FMN2: variants seen among roughly 807,000 people sequenced by gnomAD.
FMN2 encodes the protein formin-2.
In FMN2, 51 loss-of-function variants were observed where a neutral mutation model predicts 142.3. The observed-to-expected ratio is 0.36, with a 90% CI of 0.29 to 0.45. The LOEUF (loss-of-function observed/expected upper bound fraction) is 0.45. Ranked by LOEUF, FMN2 falls within the 20% of genes least tolerant of loss-of-function variation. The pLI is 1.00. For missense variants in FMN2, 1,936 were observed against 2,122.8 expected, an observed-to-expected ratio of 0.91 and a Z score of 1.73; for synonymous variants, 882 against 869.8, an observed-to-expected ratio of 1.01 and a Z score of -0.25.
intron 14 of FMN2, among the ~76,000 whole-genome samples, chr1:240,382,119 C>A (rs1456625980): frequency 6.6e-6 from 1 of 152,130 alleles, no homozygotes; most frequent in Non-Finnish European, 1.5e-5. Flanking sequence ...TAAATGACTT[C>A]AGCAAAGTTT....
At chr1:240,465,374 G>C (rs1170005663) in intron 16 of FMN2, among the ~76,000 whole-genome samples, 7 of 108,472 alleles carry the variant, frequency 6.5e-5, no homozygotes, top group South Asian at 5.7e-4. Flanking sequence ...GTGTGTGTGT[G>C]TGTGTGTGTG....
At chr1:240,269,168 G>T (rs1356681461) in intron 7 of FMN2, among the ~76,000 whole-genome samples, 2 of 151,870 alleles carry the variant, frequency 1.3e-5, no homozygotes, top group Admixed American at 6.6e-5. Context: ...TGTTTTCTTC[G>T]AGTAGTTTTA....
chr1:240,339,244 A>G (rs2103026639), intron 13 of FMN2, among the ~76,000 whole-genome samples: 1 of 152,288 alleles, frequency 6.6e-6, no homozygotes, highest in East Asian at 1.9e-4. Flanking sequence ...ACAGATCACA[A>G]AAAGGGTGAG....
At chr1:240,226,780 C>T (rs184392067) in intron 6 of FMN2, among the ~76,000 whole-genome samples, 14 of 151,488 alleles carry the variant, frequency 9.2e-5, no homozygotes, top group South Asian at 2.1e-4. Context: ...CTGTAGAATC[C>T]GCAGTTACCA....
chr1:240,119,861 G>A (rs1231999896), intron 1 of FMN2, among the ~76,000 whole-genome samples: 17 of 152,122 alleles, frequency 1.1e-4, no homozygotes, highest in Admixed American at 3.3e-4. Flanking sequence ...TTATCTGAGC[G>A]GTAGGAAAGA....
At position 240,262,759 on chromosome 1, in the gene FMN2, C is replaced by CTT. The variant is rs764626617; in HGVS notation, c.4153+4746_4153+4747dup. Among the ~76,000 whole-genome samples, 261 of 117,760 alleles carry CTT rather than the reference C, an allele frequency of 2.2e-3. 1 individual carries two copies. Among genetic ancestry groups the CTT allele is most frequent in the Middle Eastern group, 5.1e-3 (1 of 196 alleles). The allele number at this position is 117,760 out of a possible 152,430, so 77.3% of individuals were successfully genotyped here. A position where few individuals can be genotyped will look rare whatever the true frequency, so the allele number is the denominator to read the frequency against. On this transcript the variant is annotated intron_variant, in intron 7 of 17. Coordinates refer to ENST00000319653, the MANE Select transcript of FMN2 (RefSeq NM_020066.5). ...AACAAATGTAAAGTGAAAACTTTTA[C>CTT]TTTTTTTTTTTTTTTTTTTTGAGAC...
At chr1:240,260,147 G>A (rs114780646) in intron 7 of FMN2, among the ~76,000 whole-genome samples, 262 of 152,126 alleles carry the variant, frequency 1.7e-3, no homozygotes, top group Admixed American at 3.0e-3. Context: ...TTATCTACTC[G>A]TTGATTGATG....
intron 15 of FMN2, among the ~76,000 whole-genome samples, chr1:240,429,851 G>C (rs1048457399): frequency 6.6e-6 from 1 of 151,650 alleles, no homozygotes; most frequent in Admixed American, 6.6e-5. Flanking sequence ...TATTAGCAGG[G>C]CTGCTGTGAA....
chr1:240,182,822 G>A (rs934104181), intron 3 of FMN2, among the ~76,000 whole-genome samples: 4 of 152,094 alleles, frequency 2.6e-5, no homozygotes, highest in African/African-American at 9.7e-5. Context: ...GTCACTCACA[G>A]AAGCACAACT....
At chr1:240,198,407 G>A (rs1035907629) in intron 4 of FMN2, among the ~76,000 whole-genome samples, 3 of 152,188 alleles carry the variant, frequency 2.0e-5, no homozygotes, top group South Asian at 2.1e-4. Flanking sequence ...GATTTCTAAC[G>A]TACGCCTCTT....
In FMN2 at chr1:240,240,433, A is replaced by G. The variant is rs187612924; in HGVS notation, c.4066-17512A>G. On this transcript the variant is annotated intron_variant, in intron 6 of 17. Coordinates refer to ENST00000319653, the MANE Select transcript of FMN2 (RefSeq NM_020066.5). ...CTACAACATAATAATAAATATGCAC[A>G]TGGTCTCAATAAGAGTCTTTTATTC... is the stretch of plus-strand genomic sequence containing the variant. 1.7e-3 allele frequency among the ~76,000 whole-genome samples: 258 copies of G among 152,338 alleles called. 2 individuals are homozygous for G. Among genetic ancestry groups the G allele is most frequent in the Admixed American group, 0.013 (206 of 15,296 alleles).
chr1:240,097,577 G>C (rs1044522862), intron 1 of FMN2, among the ~76,000 whole-genome samples: 2 of 152,046 alleles, frequency 1.3e-5, no homozygotes, highest in African/African-American at 2.4e-5. Flanking sequence ...GGATGGTCTT[G>C]ATCTCCTGAC....
At chr1:240,262,610 T>C (rs1368599356) in intron 7 of FMN2, among the ~76,000 whole-genome samples, 2 of 152,136 alleles carry the variant, frequency 1.3e-5, no homozygotes, top group African/African-American at 4.8e-5. Context: ...TAACAGTAGC[T>C]GCAAAAGAAT....
At chr1:240,156,303 T>C (rs1571997308) in intron 2 of FMN2, among the ~76,000 whole-genome samples, 1 of 152,102 alleles carries the variant, frequency 6.6e-6, no homozygotes, top group East Asian at 1.9e-4. Context: ...CAGAGGGAAA[T>C]GTTCAGCTGG....
intron 15 of FMN2, among the ~76,000 whole-genome samples, chr1:240,425,224 A>AGAGAGAGG (rs1674897044): frequency 6.6e-6 from 1 of 151,902 alleles, no homozygotes; most frequent in Non-Finnish European, 1.5e-5. Flanking sequence ...AGAGAGAGAG[A>AGAGAGAGG]GAGAGAGAGA....
intron 8 of FMN2, among the ~76,000 whole-genome samples, chr1:240,313,434 T>C (rs1670660628): frequency 6.6e-6 from 1 of 152,226 alleles, no homozygotes; most frequent in South Asian, 2.1e-4. Flanking sequence ...TGAATGCTTA[T>C]GTGTGATTGA....
At chr1:240,313,994 G>A (rs6701177) in intron 8 of FMN2, among the ~76,000 whole-genome samples, 90,792 of 151,930 alleles carry the variant, frequency 0.6, 29,526 homozygotes, top group African/African-American at 0.87. Context: ...AATAGTGTAT[G>A]TTAACATCCT....
chr1:240,291,904 A>G (rs1240505567), intron 7 of FMN2, among the ~76,000 whole-genome samples: 26 of 152,324 alleles, frequency 1.7e-4, no homozygotes, highest in South Asian at 2.1e-4. Context: ...TTAACCAACT[A>G]CATGTCAGAC....
chr1:240,391,066 A>C (rs2103096171), intron 14 of FMN2, among the ~76,000 whole-genome samples: 1 of 152,262 alleles, frequency 6.6e-6, no homozygotes, highest in South Asian at 2.1e-4. Context: ...GATTTTGTAT[A>C]AAACAATATG....
Sources: allele counts gnomAD v4.1 joint callset (sites outside exome capture counted in the v4.1 genomes callset), GRCh38; gene constraint gnomAD v4.1.1; transcripts MANE v1.5; gene names NCBI Gene and HGNC (gene_info 2026-07-23, HGNC 2026-07-21).